The following NOX3 variants were observed in gnomAD, a reference collection of about 807,000 sequenced individuals.
The protein encoded by NOX3 is NADPH oxidase 3, also known as NADPH oxidase catalytic subunit-like 3.
NOX3 carries 74 observed loss-of-function variants against 76.7 expected under a neutral mutation model. The observed-to-expected ratio is 0.96, with a 90% CI of 0.80 to 1.17. The LOEUF is 1.17. Ranked by LOEUF, NOX3 falls within the 50% of genes most tolerant of loss-of-function variation. NOX3 has a pLI of 0.00. For missense variants in NOX3, 695 were observed against 703.3 expected, an observed-to-expected ratio of 0.99 and a Z score of 0.13; for synonymous variants, 263 against 261.1, an observed-to-expected ratio of 1.01 and a Z score of -0.07.
intron 3 of NOX3, among the ~76,000 whole-genome samples, chr6:155,453,747 C>T (rs1777176247): frequency 6.6e-6 from 1 of 152,194 alleles, no homozygotes; most frequent in African/African-American, 2.4e-5. Context: ...TGCCAAAATA[C>T]ATGCCTCACT....
chr6:155,415,006 G>A (rs1776606421), intron 10 of NOX3, among the ~76,000 whole-genome samples: 1 of 152,102 alleles, frequency 6.6e-6, no homozygotes, highest in Non-Finnish European at 1.5e-5. Context: ...GGGTTTCTGT[G>A]TGCATGTGGC....
intron 9 of NOX3, among the ~76,000 whole-genome samples, chr6:155,428,152 T>C (rs1776781446): frequency 6.6e-6 from 1 of 152,238 alleles, no homozygotes; most frequent in East Asian, 1.9e-4. Flanking sequence ...CCGCCCGCCT[T>C]GGCTTCCCAA....
chr6:155,413,517 G>C (rs1402271211), intron 10 of NOX3, among the ~76,000 whole-genome samples: 1 of 152,096 alleles, frequency 6.6e-6, no homozygotes, highest in Non-Finnish European at 1.5e-5. Context: ...GGTATGGAGG[G>C]TGGGGGAGGA....
chr6:155,409,495 T>G (rs554650938), intron 11 of NOX3, among the ~76,000 whole-genome samples: 3 of 152,300 alleles, frequency 2.0e-5, no homozygotes, highest in African/African-American at 7.2e-5. Flanking sequence ...TGTTCAAACA[T>G]TTGGAATGAT....
Position 155,411,364 on chromosome 6 carries a change from T to C in NOX3, c.1309-4A>G. 1 of 1,611,664 alleles carries C rather than the reference T, an allele frequency of 6.2e-7. No individual in the cohort carries two copies. Among genetic ancestry groups the C allele is most frequent in the Non-Finnish European group, 8.5e-7 (1 of 1,178,884 alleles). ...GGCAAATCCAGTAGAAATACACCTG[T>C]CAAGAGAGAAGGCAAGTGAACGGAT... On this transcript the variant is annotated splice_region_variant and splice_polypyrimidine_tract_variant and intron_variant, in intron 10 of 13. Coordinates refer to ENST00000159060, the MANE Select transcript of NOX3 (RefSeq NM_015718.3).
chr6:155,419,456 C>G (rs1044067312), intron 10 of NOX3, among the ~76,000 whole-genome samples: 1 of 152,154 alleles, frequency 6.6e-6, no homozygotes, highest in Non-Finnish European at 1.5e-5. Flanking sequence ...TGGTCCTATG[C>G]AAAGCTAGGA....
At chr6:155,452,717 T>G (rs1290323329) in intron 4 of NOX3, among the ~76,000 whole-genome samples, 1 of 152,194 alleles carries the variant, frequency 6.6e-6, no homozygotes, top group Non-Finnish European at 1.5e-5. Context: ...GAAACAGTCC[T>G]GAATCATAAC....
At chr6:155,448,259 G>A (rs1278156389) in intron 4 of NOX3, among the ~76,000 whole-genome samples, 2 of 152,114 alleles carry the variant, frequency 1.3e-5, no homozygotes, top group African/African-American at 4.8e-5. Context: ...TCATCTAAAA[G>A]GGATTTGTAG....
chr6:155,440,211 T>A (rs1776965156), intron 5 of NOX3, 74 bp from the exon 6 acceptor site: 6 of 1,229,068 alleles, frequency 4.9e-6, no homozygotes, highest in South Asian at 1.7e-5. Flanking sequence ...CCTGGCATAT[T>A]TTTTTTTTTC....
At chr6:155,410,398 A>G (rs144212016) in intron 11 of NOX3, among the ~76,000 whole-genome samples, 73 of 152,244 alleles carry the variant, frequency 4.8e-4, no homozygotes, top group Non-Finnish European at 9.1e-4. Flanking sequence ...TCAATCTCCC[A>G]GGCTCAAATA....
Position 155,422,652 on chromosome 6 carries a change from C to A in NOX3, c.1308+42G>T, listed in dbSNP as rs556477996. The A allele has an allele frequency of 5.0e-6, 8 of 1,595,876 alleles. No individual in the cohort carries two copies. The Middle Eastern group carries it at 5.0e-4, about 99-fold the overall frequency. ...AGATGATAGATATAAGGACATTGAA[C>A]CTTTTAATCCATGGAAGGGTGAACT... On this transcript the variant is annotated intron_variant, in intron 10 of 13. Coordinates refer to ENST00000159060, the MANE Select transcript of NOX3 (RefSeq NM_015718.3).
chr6:155,419,039 G>T (rs1397127946), intron 10 of NOX3, among the ~76,000 whole-genome samples: 1 of 152,206 alleles, frequency 6.6e-6, no homozygotes, highest in Non-Finnish European at 1.5e-5. Context: ...AAATTGTGAA[G>T]ACACCGTTAG....
chr6:155,401,328 T>C (rs1779223085), intron 12 of NOX3, among the ~76,000 whole-genome samples: 1 of 152,180 alleles, frequency 6.6e-6, no homozygotes, highest in South Asian at 2.1e-4. Flanking sequence ...GTTTATGGTG[T>C]CTTTATTTTT....
chr6:155,428,659 C>T (rs1371222820), intron 9 of NOX3, 135 bp downstream of exon 9: 13 of 682,054 alleles, frequency 1.9e-5, no homozygotes, highest in Non-Finnish European at 4.2e-6. Flanking sequence ...TTTTTACACA[C>T]ATTCTCAAAT....
At chr6:155,454,738 A>AC (rs1777188766) in intron 3 of NOX3, 73 bp downstream of exon 3, 3 of 853,158 alleles carry the variant, frequency 3.5e-6, no homozygotes, top group Non-Finnish European at 5.4e-6. Context: ...ATAATAAAGT[A>AC]CATTTTTTTT....
intron 9 of NOX3, among the ~76,000 whole-genome samples, chr6:155,425,874 A>G (rs1776749068): frequency 6.6e-6 from 1 of 152,190 alleles, no homozygotes; most frequent in South Asian, 2.1e-4. Context: ...TAGTCTTTTG[A>G]AAGAGCTCAC....
chr6:155,421,820 T>G (rs1170945018), intron 10 of NOX3, among the ~76,000 whole-genome samples: 1 of 152,140 alleles, frequency 6.6e-6, no homozygotes, highest in African/African-American at 2.4e-5. Context: ...TAATGGCTAG[T>G]GGATGATGTC....
intron 10 of NOX3, among the ~76,000 whole-genome samples, chr6:155,419,707 A>G (rs1424904201): frequency 1.3e-5 from 2 of 152,280 alleles, no homozygotes; most frequent in Admixed American, 1.3e-4. Context: ...GAGAAACGCC[A>G]CAAGCAGAGC....
chr6:155,440,764 A>G (rs2114703174), intron 5 of NOX3, among the ~76,000 whole-genome samples: 1 of 152,352 alleles, frequency 6.6e-6, no homozygotes, highest in African/African-American at 2.4e-5. Flanking sequence ...AAAATATTGC[A>G]AAATAAATCT....
Sources: gnomAD v4.1 joint callset for allele counts (sites outside exome capture counted in the v4.1 genomes callset) on GRCh38, gnomAD v4.1.1 for gene constraint, MANE v1.5 for transcripts, NCBI Gene and HGNC (gene_info 2026-07-23, HGNC 2026-07-21) for gene names.